The following ARID1B variants were observed in gnomAD, a reference collection of about 807,000 sequenced individuals.
ARID1B encodes AT-rich interaction domain 1B.
Under a neutral mutation model 212.3 loss-of-function variants are expected in ARID1B, and 30 were observed. The ratio of observed to expected loss-of-function variants is 0.14; its 90% CI spans 0.11 to 0.19. The LOEUF is 0.19. ARID1B is among the 10% of genes least tolerant of loss of function. ARID1B has a pLI of 1.00. For missense variants in ARID1B, 2,891 were observed against 3,204.0 expected (o/e 0.90, Z 2.36); for synonymous variants, 1,402 against 1,301.7 (o/e 1.08, Z -1.66).
chr6:157,030,918 G>A (rs1458779226), intron 4 of ARID1B, among the ~76,000 whole-genome samples: 1 of 152,182 alleles, frequency 6.6e-6, no homozygotes, highest in Non-Finnish European at 1.5e-5. Flanking sequence ...TACCGTGCGT[G>A]TTCTTTCCAC....
intron 4 of ARID1B, among the ~76,000 whole-genome samples, chr6:156,978,053 C>T (rs1319801059): frequency 6.6e-6 from 1 of 152,232 alleles, no homozygotes; most frequent in Admixed American, 6.5e-5. Context: ...CCCATCCTCA[C>T]GTGGTTTCTT....
intron 6 of ARID1B, among the ~76,000 whole-genome samples, chr6:157,123,441 C>CT (rs1431743667): frequency 2.0e-5 from 3 of 152,202 alleles, no homozygotes; most frequent in African/African-American, 4.8e-5. Flanking sequence ...GGGCACAGGA[C>CT]TTTCTGCATA....
At chr6:157,115,419 C>CTTTG (rs199912695) in intron 6 of ARID1B, among the ~76,000 whole-genome samples, 7 of 151,954 alleles carry the variant, frequency 4.6e-5, no homozygotes, top group African/African-American at 1.5e-4. Flanking sequence ...TGGAAGTTTT[C>CTTTG]TTTGTTTGTT....
chr6:156,902,735 CAAAAAAAAAAAAAAAA>C (rs869259426), intron 3 of ARID1B, among the ~76,000 whole-genome samples: 11 of 61,682 alleles, frequency 1.8e-4, no homozygotes, highest in Non-Finnish European at 1.0e-4. Flanking sequence ...GACTCTGTCT[CAAAAAAAAAAAAAAAA>C]AAAAAAAAAA....
At chr6:157,161,421 T>TTGTGTGTG (rs527696446) in intron 8 of ARID1B, among the ~76,000 whole-genome samples, 16 of 135,800 alleles carry the variant, frequency 1.2e-4, no homozygotes, top group African/African-American at 4.3e-4. Flanking sequence ...TCTGTTTTGA[T>TTGTGTGTG]TGTGTGTGTG....
rs1483839954 is a variant in ARID1B at position 156,778,449 on chromosome 6, C to A, written c.769C>A (p.Pro257Thr). 1 of 1,407,438 alleles carries A rather than the reference C, an allele frequency of 7.1e-7. No individual in the cohort carries two copies. Among genetic ancestry groups the A allele is most frequent in the East Asian group, 2.9e-5 (1 of 34,968 alleles). The allele number at this position is 1,407,438 out of a possible 1,614,324, so 87.2% of individuals were successfully genotyped here. Residue 257 changes from proline (P) to threonine (T), a missense_variant, in exon 1 of 20, where the codon CCG becomes ACG. By Grantham distance (38) the Pro-to-Thr change is conservative. Transcript: ENST00000636930. Reference sequence around the variant, plus strand: ...TGCTGCGGGCGGCCAGGCCGACCCCCCGGGCCCGCCGCTGCTGAGCAAGCC... The same window carrying A: ...TGCTGCGGGCGGCCAGGCCGACCCCACGGGCCCGCCGCTGCTGAGCAAGCC... ...DSAAGGQADPPGPPLLSKPGD... is the reference protein window; with the variant it reads ...DSAAGGQADPTGPPLLSKPGD...
At chr6:157,030,085 A>G (rs1012075864) in intron 4 of ARID1B, among the ~76,000 whole-genome samples, 2 of 152,082 alleles carry the variant, frequency 1.3e-5, no homozygotes, top group South Asian at 4.1e-4. Flanking sequence ...CTACAGTTTG[A>G]CGATTTGGGC....
At position 156,935,720 on chromosome 6, in the gene ARID1B, G is replaced by T. The variant is rs1426246002; in HGVS notation, c.2247+144G>T. 9.7e-6 allele frequency: 7 copies of T among 721,700 alleles called. No homozygotes were observed. The East Asian group carries it at 2.0e-4, about 20-fold the overall frequency. 44.7% of individuals were successfully genotyped at this position (721,700 alleles called of 1,614,324 possible). On this transcript the variant is annotated intron_variant, in intron 4 of 19. Transcript: ENST00000636930. ...GTTTATTTTGTGGTCAATTTTTCAA[G>T]GTTTACCTTTTAGGAGCTCTGTAGT... is the stretch of plus-strand genomic sequence containing the variant.
chr6:157,043,275 C>T (rs2128532967), intron 4 of ARID1B, among the ~76,000 whole-genome samples: 1 of 152,226 alleles, frequency 6.6e-6, no homozygotes, highest in South Asian at 2.1e-4. Context: ...CTTACCCTTC[C>T]TCTTGCTGCA....
At chr6:157,105,767 A>G (rs561938910) in intron 5 of ARID1B, among the ~76,000 whole-genome samples, 88 of 151,936 alleles carry the variant, frequency 5.8e-4, no homozygotes, top group Middle Eastern at 3.4e-3. Flanking sequence ...ATACCTGGCT[A>G]ATTTTTGTAT....
intron 2 of ARID1B, among the ~76,000 whole-genome samples, chr6:156,848,826 TCGCTAA>T (rs925127997): frequency 2.0e-5 from 3 of 152,236 alleles, no homozygotes; most frequent in Non-Finnish European, 2.9e-5. Context: ...CCCTGCTGCC[TCGCTAA>T]GTCTTAGCTC....
intron 3 of ARID1B, among the ~76,000 whole-genome samples, chr6:156,933,453 G>A (rs1164900496): frequency 6.6e-6 from 1 of 152,240 alleles, no homozygotes; most frequent in African/African-American, 2.4e-5. Flanking sequence ...CACCCAGCGG[G>A]AAGTCTGTGT....
At chr6:157,039,522 G>A (rs908749423) in intron 4 of ARID1B, among the ~76,000 whole-genome samples, 23 of 151,654 alleles carry the variant, frequency 1.5e-4, no homozygotes, top group African/African-American at 4.8e-4. Context: ...AGTAGAGACG[G>A]GGTTTCACCT....
intron 6 of ARID1B, among the ~76,000 whole-genome samples, chr6:157,112,507 C>CA (rs1786998322): frequency 6.6e-6 from 1 of 152,218 alleles, no homozygotes; most frequent in South Asian, 2.1e-4. Context: ...ACATCACTCT[C>CA]ACTGGTACAG....
chr6:156,926,938 T>C (rs1464030881), intron 3 of ARID1B, among the ~76,000 whole-genome samples: 2 of 152,172 alleles, frequency 1.3e-5, no homozygotes, highest in East Asian at 3.8e-4. Context: ...CCTTGGCCTC[T>C]CAAAGCACTG....
Position 156,822,432 on chromosome 6 carries a change from C to CT in ARID1B, c.1792-6793dup, listed in dbSNP as rs560875136. ...GGGACTGTGGACCCGAGTTGGGAGACTTGACTCTGGTCTGAGCTCTGCTAC... is the reference window on the plus strand; with the variant it reads ...GGGACTGTGGACCCGAGTTGGGAGACTTTGACTCTGGTCTGAGCTCTGCTAC... On this transcript the variant is annotated intron_variant, in intron 1 of 19. Transcript: ENST00000636930. Among the ~76,000 whole-genome samples, 11 of 152,304 alleles carry CT rather than the reference C, an allele frequency of 7.2e-5. No individual in the cohort carries two copies. In the East Asian group the frequency reaches 2.1e-3, roughly 29 times the overall value.
intron 2 of ARID1B, among the ~76,000 whole-genome samples, chr6:156,831,650 A>G (rs916659073): frequency 6.6e-6 from 1 of 152,200 alleles, no homozygotes. Flanking sequence ...AGTAATCTCA[A>G]TTTTCTTAGC....
intron 4 of ARID1B, among the ~76,000 whole-genome samples, chr6:157,056,334 T>C (rs1487449128): frequency 1.3e-5 from 2 of 152,302 alleles, no homozygotes; most frequent in East Asian, 3.9e-4. Flanking sequence ...AAATGCAGCT[T>C]TGGAAAAATG....
chr6:156,790,365 C>T (rs1228220510), intron 1 of ARID1B, among the ~76,000 whole-genome samples: 1 of 152,144 alleles, frequency 6.6e-6, no homozygotes, highest in Non-Finnish European at 1.5e-5. Flanking sequence ...CCTTAGATTA[C>T]TGAGTAAACA....
Sources: allele counts gnomAD v4.1 joint callset (sites outside exome capture counted in the v4.1 genomes callset), GRCh38; gene constraint gnomAD v4.1.1; transcripts MANE v1.5; gene names NCBI Gene and HGNC (gene_info 2026-07-23, HGNC 2026-07-21).